The following LAMA2 variants were observed in gnomAD, a reference collection of about 807,000 sequenced individuals.
LAMA2 encodes the protein laminin subunit alpha 2.
Under a neutral mutation model 364.8 loss-of-function variants are expected in LAMA2, and 269 were observed. That is an observed-to-expected ratio of 0.74 (90% CI 0.67 to 0.82). The LOEUF (loss-of-function observed/expected upper bound fraction) is 0.82. LAMA2 is among the 40% of genes least tolerant of loss of function. The pLI is 0.00. For missense variants in LAMA2, 3,807 were observed against 3,873.2 expected (o/e 0.98, Z 0.45); for synonymous variants, 1,379 against 1,370.6 (o/e 1.01, Z -0.14).
chr6:129,349,299 T>G lies in LAMA2; in HGVS notation c.4438T>G (p.Phe1480Val). ...ACPLISSSNN[F>V]SPSCVAEGLD... ...GCAATCCTTTTCTTTCTGATTCAGT[T>G]TCAGCCCCTCTTGTGTCGCAGAAGG... Residue 1480 changes from phenylalanine (F) to valine (V), a missense_variant and splice_region_variant, in exon 31 of 65, where the codon TTC (phenylalanine) becomes GTC (valine). Coordinates refer to ENST00000421865, the MANE Select transcript of LAMA2 (RefSeq NM_000426.4). 6.2e-7 allele frequency: 1 copy of G among 1,613,016 alleles called. No individual in the cohort carries two copies. Among genetic ancestry groups the G allele is most frequent in the Non-Finnish European group, 8.5e-7 (1 of 1,179,118 alleles).
At position 129,184,161 on chromosome 6, in the gene LAMA2, G is replaced by A. The variant is rs117844791; in HGVS notation, c.1468-6044G>A. On this transcript the variant is annotated intron_variant, in intron 10 of 64. Transcript: ENST00000421865. Reference sequence around the variant, plus strand: ...TTTTCCCTGAAAGGATTTTTATGGTGTGTTAACATTTTTATTGGTTTTGGA... The same window carrying A: ...TTTTCCCTGAAAGGATTTTTATGGTATGTTAACATTTTTATTGGTTTTGGA... 2.9e-3 allele frequency among the ~76,000 whole-genome samples: 445 copies of A among 151,952 alleles called. 1 individual carries two copies. The highest frequency in any genetic ancestry group is 4.0e-3 in the Non-Finnish European group (270 of 67,854).
chr6:129,224,607 G>A (rs1784118947), intron 12 of LAMA2, among the ~76,000 whole-genome samples: 1 of 151,688 alleles, frequency 6.6e-6, no homozygotes, highest in Admixed American at 6.6e-5. Flanking sequence ...AGATAATCAT[G>A]TGGTTTTTGT....
intron 41 of LAMA2, among the ~76,000 whole-genome samples, chr6:129,428,196 G>A (rs772422806): frequency 6.6e-6 from 1 of 152,176 alleles, no homozygotes; most frequent in Non-Finnish European, 1.5e-5. Flanking sequence ...TAGGGAGGCC[G>A]AGGCAGGAGG....
Position 129,287,916 on chromosome 6 carries a change from CA to C in LAMA2, c.2609del (p.Asn870ThrfsTer18). The C allele has an allele frequency of 6.2e-7, 1 of 1,614,124 alleles. No homozygotes were observed. The highest frequency in any genetic ancestry group is 8.5e-7 in the Non-Finnish European group (1 of 1,179,984). On this transcript the variant is annotated frameshift_variant, in exon 19 of 65. Transcript: ENST00000421865. LOFTEE classifies it high-confidence loss of function. ...GSCQPCQCND[N>X]LDFSIPGSCD... The stretch of plus-strand genomic sequence containing the variant: ...CATGTCAGCCATGCCAATGCAATGA[CA>C]ACCTTGACTTCTCCATCCCTGGCAG...
intron 12 of LAMA2, among the ~76,000 whole-genome samples, chr6:129,208,733 A>AAAG (rs1554245336): frequency 2.2e-5 from 3 of 135,046 alleles, no homozygotes; most frequent in Non-Finnish European, 5.0e-5. Context: ...GAGGGAAGGA[A>AAAG]GGAGGGAGGG....
intron 34 of LAMA2, among the ~76,000 whole-genome samples, chr6:129,375,404 A>G (rs1193126453): frequency 1.3e-5 from 2 of 152,110 alleles, no homozygotes; most frequent in Non-Finnish European, 2.9e-5. Context: ...AGACTTGGAG[A>G]CAAGTCTGTA....
intron 34 of LAMA2, among the ~76,000 whole-genome samples, chr6:129,375,428 C>CCACT (rs1283707122): frequency 6.6e-6 from 1 of 152,148 alleles, no homozygotes; most frequent in African/African-American, 2.4e-5. Context: ...ATTTCTCACT[C>CCACT]CACTGCTGCC....
Position 129,098,333 on chromosome 6 carries a change from C to T in LAMA2, c.557C>T (p.Thr186Ile). ...CLTLYNIYPR[T>I]GPPSYAKDDE... is the part of the protein sequence containing the mutation. ...ACGCTTTACAATATTTATCCCCGCACTGGGCCACCGTCATATGCCAAAGAT... is the reference window on the plus strand; with the variant it reads ...ACGCTTTACAATATTTATCCCCGCATTGGGCCACCGTCATATGCCAAAGAT... The change falls in exon 4 of 65, where the codon ACT becomes ATT. Residue 186 changes from threonine (T) to isoleucine (I), a missense_variant. Around this residue, in one of 3 missense-constraint regions of LAMA2, gnomAD observed 394 missense variants for 403.5 expected, o/e 0.98. Coordinates refer to ENST00000421865, the MANE Select transcript of LAMA2 (RefSeq NM_000426.4). 1 of 1,614,048 alleles carries T rather than the reference C, an allele frequency of 6.2e-7. No homozygotes were observed. Among genetic ancestry groups the T allele is most frequent in the Non-Finnish European group, 8.5e-7 (1 of 1,179,972 alleles).
chr6:129,281,393 C>T (rs1788709589), intron 18 of LAMA2, among the ~76,000 whole-genome samples: 1 of 152,140 alleles, frequency 6.6e-6, no homozygotes, highest in Non-Finnish European at 1.5e-5. Context: ...GCTATTAAAT[C>T]CACTTATCTA....
intron 4 of LAMA2, among the ~76,000 whole-genome samples, chr6:129,122,269 A>G (rs911602323): frequency 6.6e-6 from 1 of 152,306 alleles, no homozygotes; most frequent in South Asian, 2.1e-4. Context: ...TTTTGAGAAA[A>G]TCTTATATGA....
intron 1 of LAMA2, among the ~76,000 whole-genome samples, chr6:128,967,886 T>C (rs1781944519): frequency 6.6e-6 from 1 of 152,190 alleles, no homozygotes; most frequent in African/African-American, 2.4e-5. Flanking sequence ...ATTATTTCTA[T>C]TATTCAGTCT....
At position 129,497,331 on chromosome 6, in the gene LAMA2, A is replaced by G. The variant is rs540558432; in HGVS notation, c.8244+4848A>G. ...TGGCTTACTGCAGCCTTAACCTCCC[A>G]GGCTCAGGCGATCCTCATGCCTCAG... On this transcript the variant is annotated intron_variant, in intron 58 of 64. Coordinates refer to ENST00000421865, the MANE Select transcript of LAMA2 (RefSeq NM_000426.4). Among the ~76,000 whole-genome samples, 6 of 151,988 alleles carry G rather than the reference A, an allele frequency of 3.9e-5. No homozygotes were observed. In the South Asian group the frequency reaches 1.2e-3, roughly 32 times the overall value.
Position 129,399,505 on chromosome 6 carries a change from C to T in LAMA2, c.5446-1719C>T, listed in dbSNP as rs77153751. The stretch of plus-strand genomic sequence containing the variant: ...CATTTTGTATGAAGGTAAATTACTT[C>T]CTTAAGGTTTCATAGCTTGGGAGTG... On this transcript the variant is annotated intron_variant, in intron 37 of 64. Coordinates refer to ENST00000421865, the MANE Select transcript of LAMA2 (RefSeq NM_000426.4). Among the ~76,000 whole-genome samples the T allele has an allele frequency of 4.2e-3, 645 of 152,274 alleles. 11 individuals are homozygous for T. The highest frequency in any genetic ancestry group is 0.015 in the African/African-American group (631 of 41,554).
At chr6:128,887,878 C>T (rs913256479) in intron 1 of LAMA2, among the ~76,000 whole-genome samples, 1 of 151,946 alleles carries the variant, frequency 6.6e-6, no homozygotes, top group Non-Finnish European at 1.5e-5. Flanking sequence ...TCAAACAAAA[C>T]AAAACAAAAC....
chr6:128,955,975 A>T (rs957909907), intron 1 of LAMA2, among the ~76,000 whole-genome samples: 1 of 151,930 alleles, frequency 6.6e-6, no homozygotes, highest in African/African-American at 2.4e-5. Context: ...AAAAATAAAG[A>T]CAGCTGATCA....
intron 17 of LAMA2, 83 bp from the exon 18 acceptor site, chr6:129,279,978 G>T (rs1431862065): frequency 1.1e-6 from 1 of 896,856 alleles, no homozygotes; most frequent in East Asian, 2.4e-5. Context: ...AGCAGTAGTG[G>T]AGAGAGAGAA....
intron 1 of LAMA2, among the ~76,000 whole-genome samples, chr6:129,030,396 T>C (rs1418504592): frequency 1.3e-5 from 2 of 152,100 alleles, no homozygotes; most frequent in Non-Finnish European, 2.9e-5. Flanking sequence ...GGTGGAGTGA[T>C]TCAATGAATA....
rs556089846 is a variant in LAMA2 at position 129,484,727 on chromosome 6, CAT to C, written c.7750-1746_7750-1745del. On this transcript the variant is annotated intron_variant, in intron 55 of 64. Coordinates refer to ENST00000421865, the MANE Select transcript of LAMA2 (RefSeq NM_000426.4). ...CTAAACAACATATTGTTTACAGACA[CAT>C]GTGAATTTCAAAAATATTTTTTAAA... is the stretch of plus-strand genomic sequence containing the variant. Among the ~76,000 whole-genome samples the C allele has an allele frequency of 4.2e-3, 640 of 152,192 alleles. 3 individuals are homozygous for C. The highest frequency in any genetic ancestry group is 0.014 in the African/African-American group (576 of 41,526).
intron 1 of LAMA2, among the ~76,000 whole-genome samples, chr6:128,997,394 G>A (rs1457577573): frequency 6.7e-6 from 1 of 149,954 alleles, no homozygotes; most frequent in Non-Finnish European, 1.5e-5. Flanking sequence ...GGAAGAGAGG[G>A]AGGGAGGGAG....
Sources: gnomAD v4.1 joint callset for allele counts (sites outside exome capture counted in the v4.1 genomes callset) on GRCh38, gnomAD v4.1.1 for gene constraint, gnomAD v4.1.1 regional missense constraint, MANE v1.5 for transcripts, NCBI Gene and HGNC (gene_info 2026-07-23, HGNC 2026-07-21) for gene names.